PSD3: variants seen among roughly 807,000 people sequenced by gnomAD.
The protein encoded by PSD3 is PH and SEC7 domain-containing protein 3.
PSD3 carries 49 observed loss-of-function variants against 105.5 expected under a neutral mutation model. The ratio of observed to expected loss-of-function variants is 0.46; its 90% confidence interval spans 0.37 to 0.59. PSD3 has a LOEUF of 0.59. Among genes scored for constraint, PSD3 ranks in the 20% least tolerant of loss-of-function variants. The pLI is 0.00. For missense variants in PSD3, 1,561 were observed against 1,263.8 expected, an observed-to-expected ratio of 1.24 and a Z score of -3.57; for synonymous variants, 557 against 457.8, an observed-to-expected ratio of 1.22 and a Z score of -2.77.
intron 4 of PSD3, among the ~76,000 whole-genome samples, chr8:18,851,732 C>A (rs1815588461): frequency 6.6e-6 from 1 of 152,212 alleles, no homozygotes. Context: ...CCCGACAGAA[C>A]TTTCCCTACC....
At chr8:18,628,139 C>T (rs1402496132) in intron 11 of PSD3, among the ~76,000 whole-genome samples, 1 of 151,916 alleles carries the variant, frequency 6.6e-6, no homozygotes, top group Non-Finnish European at 1.5e-5. Flanking sequence ...TGGGATAGCA[C>T]TGAGTATCAT....
chr8:18,969,410 G>A (rs76482327), intron 1 of PSD3, among the ~76,000 whole-genome samples: 17,731 of 152,176 alleles, frequency 0.12, 1,312 homozygotes, highest in Non-Finnish European at 0.17. Flanking sequence ...AGAAATCAAC[G>A]GTACACCATA....
intron 1 of PSD3, among the ~76,000 whole-genome samples, chr8:19,011,512 T>C (rs931558831): frequency 2.0e-5 from 3 of 152,240 alleles, no homozygotes; most frequent in Non-Finnish European, 4.4e-5. Flanking sequence ...AATTTTTCTT[T>C]TTCAATGAGC....
chr8:18,649,800 G>A (rs1399549545), intron 10 of PSD3, among the ~76,000 whole-genome samples: 1 of 152,182 alleles, frequency 6.6e-6, no homozygotes, highest in African/African-American at 2.4e-5. Flanking sequence ...TAGTGAGTAA[G>A]TTATTGTGAG....
intron 9 of PSD3, among the ~76,000 whole-genome samples, chr8:18,713,128 C>T (rs533008693): frequency 2.0e-5 from 3 of 152,244 alleles, no homozygotes; most frequent in South Asian, 2.1e-4. Context: ...ATTGAAGGAA[C>T]GTACCTCAAA....
chr8:19,082,821 C>T (rs1023831325), intron 1 of PSD3, among the ~76,000 whole-genome samples: 11 of 152,132 alleles, frequency 7.2e-5, no homozygotes, highest in African/African-American at 1.9e-4. Context: ...TCCTAAATCC[C>T]GGTAGGAAAT....
intron 9 of PSD3, among the ~76,000 whole-genome samples, chr8:18,739,608 A>G (rs933338728): frequency 1.3e-5 from 2 of 152,238 alleles, no homozygotes; most frequent in African/African-American, 4.8e-5. Flanking sequence ...ACTATTAGCT[A>G]GCATGGTCAC....
intron 9 of PSD3, among the ~76,000 whole-genome samples, chr8:18,715,338 A>G (rs1189635972): frequency 6.6e-6 from 1 of 152,218 alleles, no homozygotes; most frequent in Admixed American, 6.5e-5. Flanking sequence ...ATAGGTTACA[A>G]TCTACACTTT....
At chr8:18,669,964 G>C (rs1470498708) in intron 9 of PSD3, among the ~76,000 whole-genome samples, 1 of 152,148 alleles carries the variant, frequency 6.6e-6, no homozygotes, top group East Asian at 1.9e-4. Flanking sequence ...GAATCCAGTG[G>C]TGAACAACAG....
chr8:18,911,319 T>A (rs904948388), intron 2 of PSD3, among the ~76,000 whole-genome samples: 1 of 152,184 alleles, frequency 6.6e-6, no homozygotes, highest in Non-Finnish European at 1.5e-5. Context: ...GCCAGAAGTA[T>A]AGCCTACTTT....
At chr8:18,568,474 G>C (rs565619161) in intron 14 of PSD3, among the ~76,000 whole-genome samples, 2 of 143,576 alleles carry the variant, frequency 1.4e-5, no homozygotes, top group Admixed American at 1.5e-4. Context: ...ACAGTGAGGT[G>C]AGACTCCAGA....
chr8:19,023,820 C>T (rs1240235381), intron 1 of PSD3, among the ~76,000 whole-genome samples: 1 of 152,128 alleles, frequency 6.6e-6, no homozygotes, highest in Non-Finnish European at 1.5e-5. Context: ...GTCTTTGGCA[C>T]ATAGGATACA....
chr8:18,694,935 C>T (rs2131009695), intron 9 of PSD3, among the ~76,000 whole-genome samples: 1 of 152,196 alleles, frequency 6.6e-6, no homozygotes. Context: ...AAAATACTAA[C>T]TCTTAGATAT....
intron 11 of PSD3, among the ~76,000 whole-genome samples, chr8:18,624,678 A>T (rs946383258): frequency 2.4e-4 from 31 of 129,606 alleles, no homozygotes; most frequent in African/African-American, 9.5e-4. Context: ...CTAAAACTTA[A>T]AGTATTAAAA....
intron 12 of PSD3, among the ~76,000 whole-genome samples, chr8:18,585,089 CTGCCT>C (rs1159320667): frequency 6.6e-6 from 1 of 152,164 alleles, no homozygotes; most frequent in Non-Finnish European, 1.5e-5. Context: ...ACGAAGCCCT[CTGCCT>C]TGCCTGGCAC....
chr8:18,697,761 G>A (rs1282293229), intron 9 of PSD3, among the ~76,000 whole-genome samples: 1 of 152,148 alleles, frequency 6.6e-6, no homozygotes, highest in Non-Finnish European at 1.5e-5. Flanking sequence ...AAATGTGAGT[G>A]TTGGATGAAA....
chr8:18,992,464 C>T (rs907867045), intron 1 of PSD3, among the ~76,000 whole-genome samples: 2 of 152,172 alleles, frequency 1.3e-5, no homozygotes, highest in African/African-American at 4.8e-5. Context: ...CAGAGAGCCA[C>T]TATATCCTTT....
chr8:18,776,690 A>G (rs1808125780), intron 8 of PSD3, among the ~76,000 whole-genome samples: 1 of 152,118 alleles, frequency 6.6e-6, no homozygotes, highest in South Asian at 2.1e-4. Flanking sequence ...TCTTCTTTAA[A>G]TGTCTGACAG....
At chr8:18,862,447 C>T (rs981670410) in intron 4 of PSD3, among the ~76,000 whole-genome samples, 7 of 151,718 alleles carry the variant, frequency 4.6e-5, no homozygotes, top group African/African-American at 1.5e-4. Context: ...AAATGAGAAC[C>T]TCTTTTTTGA....
Sources: allele counts gnomAD v4.1 joint callset (sites outside exome capture counted in the v4.1 genomes callset), GRCh38; gene constraint gnomAD v4.1.1; transcripts MANE v1.5; gene names NCBI Gene and HGNC (gene_info 2026-07-23, HGNC 2026-07-21).